The following FAM13A variants were observed in gnomAD, a reference collection of about 807,000 sequenced individuals.
FAM13A encodes protein FAM13A.
A neutral mutation model predicts 129.6 loss-of-function variants in FAM13A; 76 were observed. The observed-to-expected ratio is 0.59, with a 90% CI of 0.49 to 0.71. The LOEUF is 0.71. Ranked by LOEUF, FAM13A falls within the 30% of genes least tolerant of loss-of-function variation. The pLI is 0.00. For missense variants in FAM13A, 1,108 were observed against 1,249.3 expected (o/e 0.89, Z 1.70); for synonymous variants, 443 against 449.9 (o/e 0.98, Z 0.20).
chr4:88,967,303 G>A (rs1433725275), intron 4 of FAM13A, among the ~76,000 whole-genome samples: 1 of 152,190 alleles, frequency 6.6e-6, no homozygotes, highest in African/African-American at 2.4e-5. Context: ...ACAGTATGGT[G>A]AGAATAACTG....
chr4:89,025,371 TCTC>T (rs1305336727), intron 2 of FAM13A, among the ~76,000 whole-genome samples: 1 of 147,734 alleles, frequency 6.8e-6, no homozygotes, highest in Non-Finnish European at 1.5e-5. Flanking sequence ...TTCACGCCAT[TCTC>T]CTGCCTCAGC....
intron 21 of FAM13A, among the ~76,000 whole-genome samples, chr4:88,736,088 T>C (rs1738925095): frequency 6.6e-6 from 1 of 152,216 alleles, no homozygotes; most frequent in Non-Finnish European, 1.5e-5. Context: ...GGTTTCATTC[T>C]TGGGTGACAT....
At chr4:88,950,962 C>T (rs1409164303) in intron 4 of FAM13A, among the ~76,000 whole-genome samples, 2 of 152,236 alleles carry the variant, frequency 1.3e-5, no homozygotes, top group Non-Finnish European at 1.5e-5. Flanking sequence ...GATAGAGCAA[C>T]TAAAATATTA....
intron 5 of FAM13A, among the ~76,000 whole-genome samples, chr4:88,906,900 T>G (rs1303977859): frequency 1.3e-5 from 2 of 152,216 alleles, no homozygotes; most frequent in African/African-American, 4.8e-5. Context: ...AACAATTTCC[T>G]TCAGATAATT....
At chr4:88,955,196 G>T (rs989478848) in intron 4 of FAM13A, among the ~76,000 whole-genome samples, 1 of 151,966 alleles carries the variant, frequency 6.6e-6, no homozygotes, top group Non-Finnish European at 1.5e-5. Context: ...GTAGAATTAC[G>T]TATTAATTAG....
chr4:88,749,043 G>T lies in FAM13A; in HGVS notation c.2080-10C>A. The T allele has an allele frequency of 6.2e-7, 1 of 1,602,768 alleles. No homozygotes were observed. The highest frequency in any genetic ancestry group is 8.5e-7 in the Non-Finnish European group (1 of 1,170,010). The stretch of plus-strand genomic sequence containing the variant: ...TGTCACTGTGGGAAGGCTGAGAAAA[G>T]GAAGTCTAGAGTAAATGCTTTGGAA... On this transcript the variant is annotated splice_polypyrimidine_tract_variant and intron_variant, in intron 16 of 23. Coordinates refer to ENST00000264344, the MANE Select transcript of FAM13A (RefSeq NM_014883.4).
chr4:88,760,968 G>T (rs563653389), intron 13 of FAM13A, among the ~76,000 whole-genome samples: 1 of 152,178 alleles, frequency 6.6e-6, no homozygotes, highest in East Asian at 1.9e-4. Flanking sequence ...CTAGAAATAT[G>T]ATTTCATTTT....
At position 88,814,488 on chromosome 4, in the gene FAM13A, G is replaced by A. The variant is rs186289452; in HGVS notation, c.1008-9436C>T. On this transcript the variant is annotated intron_variant, in intron 7 of 23. Transcript: ENST00000264344. ...GAGGGAGTTCAGCACCAGGGGCGCA[G>A]CAGTGACCTGCCAGAAAGCTGACAC... Among the ~76,000 whole-genome samples, 165 of 152,308 alleles carry A rather than the reference G, an allele frequency of 1.1e-3. 2 individuals are homozygous for A. The highest frequency in any genetic ancestry group is 1.4e-3 in the East Asian group (7 of 5,174).
At chr4:88,779,369 A>G (rs1428316057) in intron 11 of FAM13A, among the ~76,000 whole-genome samples, 1 of 152,200 alleles carries the variant, frequency 6.6e-6, no homozygotes, top group Non-Finnish European at 1.5e-5. Context: ...GTGAAGATAC[A>G]CAACGTAACA....
At chr4:89,051,687 T>C (rs1771608578) in intron 1 of FAM13A, among the ~76,000 whole-genome samples, 1 of 152,008 alleles carries the variant, frequency 6.6e-6, no homozygotes, top group South Asian at 2.1e-4. Context: ...GCCTGTGAAA[T>C]CAAACCAGTT....
intron 8 of FAM13A, among the ~76,000 whole-genome samples, chr4:88,803,047 G>T (rs1727819234): frequency 6.6e-6 from 1 of 152,150 alleles, no homozygotes; most frequent in African/African-American, 2.4e-5. Flanking sequence ...AACTGAATAT[G>T]CCATTGCTGA....
At chr4:88,924,172 A>G (rs953848115) in intron 5 of FAM13A, among the ~76,000 whole-genome samples, 541 of 152,322 alleles carry the variant, frequency 3.6e-3, no homozygotes, top group Non-Finnish European at 6.3e-3. Context: ...CAAGCTACCA[A>G]TGACTTTCTT....
At chr4:89,056,912 G>GT in intron 1 of FAM13A, 26 bp downstream of exon 1, 1 of 1,608,274 alleles carries the variant, frequency 6.2e-7, no homozygotes, top group Non-Finnish European at 8.5e-7. Context: ...AGTAAACACA[G>GT]AAGACAGAAG....
chr4:88,748,250 T>C (rs1436028912), intron 17 of FAM13A, among the ~76,000 whole-genome samples: 1 of 152,206 alleles, frequency 6.6e-6, no homozygotes, highest in East Asian at 1.9e-4. Flanking sequence ...TATCAATAAC[T>C]TATTCTTTTT....
At chr4:88,870,342 G>A (rs1285881775) in intron 6 of FAM13A, among the ~76,000 whole-genome samples, 7 of 152,294 alleles carry the variant, frequency 4.6e-5, no homozygotes, top group East Asian at 1.9e-4. Context: ...CGCCTCACCC[G>A]GGAAGTGCAA....
intron 15 of FAM13A, 64 bp from the exon 16 acceptor site, chr4:88,749,973 TG>T (rs1742217356): frequency 2.0e-6 from 3 of 1,469,574 alleles, no homozygotes; most frequent in East Asian, 2.3e-5. Flanking sequence ...AGAGGGGCCC[TG>T]GGGAAGTGGG....
chr4:88,982,545 T>A (rs1351218757), intron 4 of FAM13A, among the ~76,000 whole-genome samples: 1 of 152,228 alleles, frequency 6.6e-6, no homozygotes, highest in Admixed American at 6.5e-5. Context: ...CCTGCATTAG[T>A]AGAATAAGGA....
intron 6 of FAM13A, among the ~76,000 whole-genome samples, chr4:88,876,576 C>G (rs191402007): frequency 1.3e-5 from 2 of 152,178 alleles, no homozygotes; most frequent in Non-Finnish European, 2.9e-5. Context: ...TTAATATACA[C>G]CTACCCCCTG....
At chr4:88,839,769 C>T (rs551229637) in intron 7 of FAM13A, among the ~76,000 whole-genome samples, 6 of 152,206 alleles carry the variant, frequency 3.9e-5, no homozygotes, top group Non-Finnish European at 8.8e-5. Context: ...GGGCCCTATG[C>T]TTTGCTGTCA....
Sources: allele counts gnomAD v4.1 joint callset (sites outside exome capture counted in the v4.1 genomes callset), GRCh38; gene constraint gnomAD v4.1.1; transcripts MANE v1.5; gene names NCBI Gene and HGNC (gene_info 2026-07-23, HGNC 2026-07-21).